ALAD: variants seen among roughly 807,000 people sequenced by gnomAD.
ALAD encodes the protein delta-aminolevulinic acid dehydratase.
A neutral mutation model predicts 44.4 loss-of-function variants in ALAD; 20 were observed. The ratio of observed to expected loss-of-function variants is 0.45; its 90% CI spans 0.32 to 0.65. The LOEUF (loss-of-function observed/expected upper bound fraction) is 0.65. Ranked by LOEUF, ALAD falls within the 30% of genes least tolerant of loss-of-function variation. The pLI, the probability that ALAD is intolerant of heterozygous loss-of-function variation, is 0.05. For synonymous variants in ALAD, 156 were observed against 167.9 expected (o/e 0.93, Z 0.55); for missense variants, 323 against 445.7 (o/e 0.72, Z 2.48).
chr9:113,387,422 C>T lies in ALAD; in HGVS notation c.*878G>A, dbSNP rs1827425921. ...CCAACTACTGTTTCAAGAGAGGCCC[C>T]TTCCCTGTTGTTGTCTCAGACCCCT... On this transcript the variant is annotated 3_prime_UTR_variant, in exon 12 of 12. Transcript: ENST00000409155. The T allele has an allele frequency of 6.6e-6, 1 of 152,268 alleles. No homozygotes were observed. Among genetic ancestry groups the T allele is most frequent in the African/African-American group, 2.4e-5 (1 of 41,458 alleles). 9.4% of individuals were successfully genotyped at this position (152,268 alleles called of 1,614,324 possible).
At chr9:113,392,015 G>A (rs769186859) in intron 3 of ALAD, 104 bp downstream of exon 3, 10 of 1,154,926 alleles carry the variant, frequency 8.7e-6, no homozygotes, top group Non-Finnish European at 1.3e-5. Flanking sequence ...ATGTCTGTCT[G>A]TCCGCATCTT....
In ALAD at chr9:113,388,444, G is replaced by C. The variant is rs568594714; in HGVS notation, c.932-83C>G. ...CCTTCTGCGATGGGAAGGCCAGGCG[G>C]GGAAGAAGGCTACCATGAAGAAGCA... On this transcript the variant is annotated intron_variant, in intron 11 of 11. Transcript: ENST00000409155. 1.4e-4 allele frequency: 183 copies of C among 1,311,650 alleles called. 2 individuals carry two copies. In the South Asian group the frequency reaches 1.8e-3, roughly 13 times the overall value. 81.3% of individuals were successfully genotyped at this position (1,311,650 alleles called of 1,614,324 possible).
intron 1 of ALAD, among the ~76,000 whole-genome samples, chr9:113,398,427 G>A (rs1396994561): frequency 2.0e-5 from 3 of 152,156 alleles, no homozygotes; most frequent in Non-Finnish European, 2.9e-5. Flanking sequence ...TCGCTTTTAG[G>A]AGGCTGAGGG....
chr9:113,392,222 T>G lies in ALAD; in HGVS notation c.114-53A>C, dbSNP rs200054298. ...TGGTAGCTGTGGGAAGGGCCAGTGG[T>G]GCGGGGGCGACTGAGAGGGATGGTT... On this transcript the variant is annotated intron_variant, in intron 2 of 11. Coordinates refer to ENST00000409155, the MANE Select transcript of ALAD (RefSeq NM_000031.6). 46 of 1,612,624 alleles carry G rather than the reference T, an allele frequency of 2.9e-5. No individual in the cohort carries two copies. The East Asian group carries it at 1.0e-3, about 35-fold the overall frequency.
chr9:113,388,690 C>T (rs767616396), intron 11 of ALAD, among the ~76,000 whole-genome samples: 14 of 152,204 alleles, frequency 9.2e-5, no homozygotes, highest in Non-Finnish European at 1.5e-4. Context: ...AGGACAACCA[C>T]GCACCAGGTA....
Position 113,392,157 on chromosome 9 carries a change from A to G in ALAD, c.126T>C (p.Asp42=), listed in dbSNP as rs544293826. Residue 42 remains aspartate, a synonymous_variant, in exon 3 of 12, where the codon GAT becomes GAC. Transcript: ENST00000409155. ...IYPIFVTDVP[D]DIQPITSLPG... ...GGAGGCTGGTGATAGGCTGTATGTC[A>G]TCAGGAACATCCCTGCAAGAGCGGG... 3 of 1,613,850 alleles carry G rather than the reference A, an allele frequency of 1.9e-6. No individual in the cohort carries two copies. The African/African-American group carries it at 4.0e-5, about 22-fold the overall frequency.
In ALAD at chr9:113,387,977, G is replaced by A; in HGVS notation, c.*323C>T. ...TGCTCCAAGACCCTCTCCCAGCCAG[G>A]CCCCAAAGGCTGTGCCCCCGACTCC... On this transcript the variant is annotated 3_prime_UTR_variant, in exon 12 of 12. Coordinates refer to ENST00000409155, the MANE Select transcript of ALAD (RefSeq NM_000031.6). The A allele has an allele frequency of 2.4e-6, 1 of 408,900 alleles. No homozygotes were observed. Among genetic ancestry groups the A allele is most frequent in the Non-Finnish European group, 4.6e-6 (1 of 215,930 alleles). The allele number at this position is 408,900 out of a possible 1,614,324, so 25.3% of individuals were successfully genotyped here.
rs1827434311 is a variant in ALAD at position 113,387,627 on chromosome 9, C to T, written c.*673G>A. On this transcript the variant is annotated 3_prime_UTR_variant, in exon 12 of 12. Coordinates refer to ENST00000409155, the MANE Select transcript of ALAD (RefSeq NM_000031.6). ...CAGAGCAGAGATTCTCAAAAAGTAT[C>T]TCCTGAATAAAAAGTGTTTGTGGTG... 1 of 158,840 alleles carries T rather than the reference C, an allele frequency of 6.3e-6. No individual in the cohort carries two copies. Among genetic ancestry groups the T allele is most frequent in the African/African-American group, 2.4e-5 (1 of 41,608 alleles). 9.8% of individuals were successfully genotyped at this position (158,840 alleles called of 1,614,324 possible). A position where few individuals can be genotyped will look rare whatever the true frequency, so the allele number is the denominator to read the frequency against.
chr9:113,391,996 AC>A, intron 3 of ALAD, 122 bp downstream of exon 3: 1 of 1,007,034 alleles, frequency 9.9e-7, no homozygotes, highest in Non-Finnish European at 1.5e-6. Context: ...CCTTTCCTCT[AC>A]TGAGCTAATG....
At position 113,390,424 on chromosome 9, in the gene ALAD, G is replaced by C. The variant is rs1159138924; in HGVS notation, c.551C>G (p.Ala184Gly). ...RVEAIKEALM[A>G]HGLGNRVSVM... ...CCTTACCCTGTTGCCAAGTCCATGT[G>C]CCATCAGGGCCTCTTTGATGGCTTC... Residue 184 changes from alanine (A) to glycine (G), a missense_variant, in exon 7 of 12, where the codon GCA becomes GGA. Physicochemically the swap from Ala to Gly is moderately conservative, Grantham distance 60 (BLOSUM62 0). Transcript: ENST00000409155. The C allele has an allele frequency of 6.2e-7, 1 of 1,614,052 alleles. No homozygotes were observed. Among genetic ancestry groups the C allele is most frequent in the Admixed American group, 1.7e-5 (1 of 60,022 alleles).
chr9:113,395,307 C>T (rs1238870035), intron 1 of ALAD, among the ~76,000 whole-genome samples: 1 of 152,172 alleles, frequency 6.6e-6, no homozygotes, highest in African/African-American at 2.4e-5. Flanking sequence ...CACAGCCTCC[C>T]CGCACCCAAA....
intron 1 of ALAD, chr9:113,397,397 C>T (rs1176460933): frequency 6.6e-6 from 1 of 152,232 alleles, no homozygotes; most frequent in Non-Finnish European, 1.5e-5. Context: ...TTTATCCAGT[C>T]TTCCTCCTTG....
chr9:113,390,121 A>C (rs949997441), intron 7 of ALAD, among the ~76,000 whole-genome samples: 1 of 152,016 alleles, frequency 6.6e-6, no homozygotes, highest in Non-Finnish European at 1.5e-5. Context: ...TCGTGGGTTC[A>C]AGCGATTCTC....
intron 10 of ALAD, 125 bp downstream of exon 10, chr9:113,389,312 TG>T (rs1308147247): frequency 7.5e-7 from 1 of 1,339,900 alleles, no homozygotes; most frequent in Non-Finnish European, 1.1e-6. Flanking sequence ...CGATGGTTCC[TG>T]GGCAGGGAAG....
rs769596841 is a variant in ALAD, at chr9:113,389,102, G to A, written c.806C>T (p.Pro269Leu). ...GTGGTACACGGCGAGAGGGAGGTCAGGGTGCTGCAGGGAAGCAGACAGGGA... is the reference window on the plus strand; with the variant it reads ...GTGGTACACGGCGAGAGGGAGGTCAAGGTGCTGCAGGGAAGCAGACAGGGA... ...DIVREVKDKH[P>L]DLPLAVYHVS... Residue 269 changes from proline (P) to leucine (L), a missense_variant, in exon 11 of 12, where the codon CCT becomes CTT. Pro to Leu is a moderately conservative substitution (Grantham distance 98, BLOSUM62 -3). Coordinates refer to ENST00000409155, the MANE Select transcript of ALAD (RefSeq NM_000031.6). The A allele has an allele frequency of 6.2e-7, 1 of 1,614,000 alleles. No homozygotes were observed.
intron 2 of ALAD, chr9:113,393,236 C>T (rs1004865635): frequency 8.2e-6 from 5 of 606,940 alleles, no homozygotes; most frequent in Non-Finnish European, 1.5e-5. Flanking sequence ...TCTAATTTTC[C>T]AAATGGGATG....
intron 1 of ALAD, among the ~76,000 whole-genome samples, chr9:113,395,051 T>A (rs1827689593): frequency 6.6e-6 from 1 of 151,088 alleles, no homozygotes; most frequent in African/African-American, 2.4e-5. Flanking sequence ...CAAGACTTCA[T>A]TCCAAAAAAA....
At chr9:113,391,461 C>T (rs2118991972) in intron 4 of ALAD, 66 bp downstream of exon 4, 1 of 1,470,932 alleles carries the variant, frequency 6.8e-7, no homozygotes, top group South Asian at 1.1e-5. Flanking sequence ...ACTTTGGCCT[C>T]CCAAAGTGCT....
rs577688753 is a variant in ALAD at position 113,390,919 on chromosome 9, G to A, written c.276C>T (p.Ser92=). 3.7e-5 allele frequency: 59 copies of A among 1,614,106 alleles called. No homozygotes were observed. Among genetic ancestry groups the A allele is most frequent in the East Asian group, 3.1e-4 (14 of 44,878 alleles). The change falls in exon 5 of 12, where the codon TCC becomes TCT. Residue 92 remains serine (S), a synonymous_variant. Transcript: ENST00000409155. ...PSRVPKDERG[S]AADSEESPAI... is the part of the protein sequence containing the mutation. ...CTGGGGACTCCTCGGAGTCAGCTGC[G>A]GAACCCCGCTCGTCCTAGGGGCAGG... is the stretch of plus-strand genomic sequence containing the variant.
Sources: allele counts gnomAD v4.1 joint callset (sites outside exome capture counted in the v4.1 genomes callset), GRCh38; gene constraint gnomAD v4.1.1; transcripts MANE v1.5; gene names NCBI Gene and HGNC (gene_info 2026-07-23, HGNC 2026-07-21).